EXT1: variants seen among roughly 807,000 people sequenced by gnomAD.
The protein encoded by EXT1 is exostosin glycosyltransferase 1, also known as exostosin-1.
In EXT1, 20 loss-of-function variants were observed where a neutral mutation model predicts 82.5. That is an observed-to-expected ratio of 0.24 (90% CI 0.17 to 0.35). EXT1 has a LOEUF of 0.35. Ranked by LOEUF, EXT1 falls within the 10% of genes least tolerant of loss-of-function variation. The pLI, the probability that EXT1 is intolerant of heterozygous loss-of-function variation, is 1.00. For missense variants in EXT1, 757 were observed against 936.5 expected, an observed-to-expected ratio of 0.81 and a Z score of 2.50; for synonymous variants, 348 against 350.8, an observed-to-expected ratio of 0.99 and a Z score of 0.09.
At chr8:117,901,798 G>A (rs1586274144) in intron 1 of EXT1, among the ~76,000 whole-genome samples, 1 of 152,156 alleles carries the variant, frequency 6.6e-6, no homozygotes, top group East Asian at 1.9e-4. Flanking sequence ...CCAGGCTCAG[G>A]TGATCCTCCT....
At chr8:117,991,935 G>A (rs1350644709) in intron 1 of EXT1, among the ~76,000 whole-genome samples, 1 of 152,150 alleles carries the variant, frequency 6.6e-6, no homozygotes, top group African/African-American at 2.4e-5. Flanking sequence ...ATACAGCAGG[G>A]CACTGAGCAA....
chr8:117,831,105 C>T (rs879351471), intron 3 of EXT1, among the ~76,000 whole-genome samples: 1 of 152,100 alleles, frequency 6.6e-6, no homozygotes, highest in Non-Finnish European at 1.5e-5. Flanking sequence ...CATCTGAAGC[C>T]ACCACAGGGA....
intron 1 of EXT1, among the ~76,000 whole-genome samples, chr8:118,108,482 G>A (rs1318979595): frequency 6.6e-6 from 1 of 152,196 alleles, no homozygotes; most frequent in African/African-American, 2.4e-5. Flanking sequence ...TATAAACAAA[G>A]CAGTTCATTA....
rs1435084878 is a variant in EXT1 at position 118,111,634 on chromosome 8, T to A, written c.-588A>T. 2.5e-6 allele frequency: 1 copy of A among 395,176 alleles called. No homozygotes were observed. Among genetic ancestry groups the A allele is most frequent in the African/African-American group, 2.1e-5 (1 of 48,418 alleles). The allele number at this position is 395,176 out of a possible 1,614,324, so 24.5% of individuals were successfully genotyped here. On this transcript the variant is annotated 5_prime_UTR_variant, in exon 1 of 11. Transcript: ENST00000378204. ...TTCCCTTCTGCAGCGGCTCCAAGACTCCGGCGGTGTTTACTCCTGCGCTCG... is the reference window on the plus strand; with the variant it reads ...TTCCCTTCTGCAGCGGCTCCAAGACACCGGCGGTGTTTACTCCTGCGCTCG...
chr8:118,015,339 T>C (rs1247986995), intron 1 of EXT1, among the ~76,000 whole-genome samples: 1 of 152,134 alleles, frequency 6.6e-6, no homozygotes, highest in South Asian at 2.1e-4. Flanking sequence ...CTTTTACCAA[T>C]AGGTATCACT....
intron 1 of EXT1, among the ~76,000 whole-genome samples, chr8:117,926,752 A>G (rs111357872): frequency 1.3e-4 from 20 of 152,268 alleles, no homozygotes; most frequent in Non-Finnish European, 2.5e-4. Context: ...AGACCCAACA[A>G]AAACGCTTAT....
intron 1 of EXT1, among the ~76,000 whole-genome samples, chr8:117,842,125 T>C (rs779490754): frequency 6.6e-6 from 1 of 152,156 alleles, no homozygotes; most frequent in South Asian, 2.1e-4. Flanking sequence ...ACTGGCACCA[T>C]AGTTAAGAGC....
intron 1 of EXT1, among the ~76,000 whole-genome samples, chr8:117,997,989 A>T (rs1815582929): frequency 6.6e-6 from 1 of 150,460 alleles, no homozygotes; most frequent in Admixed American, 6.7e-5. Flanking sequence ...ATTCCTGCAT[A>T]TGGAGAAATT....
intron 1 of EXT1, among the ~76,000 whole-genome samples, chr8:117,917,812 A>C (rs1261569062): frequency 6.6e-6 from 1 of 152,150 alleles, no homozygotes; most frequent in Non-Finnish European, 1.5e-5. Context: ...GTTAGTCCAC[A>C]GGACCTATAT....
chr8:117,816,733 C>T lies in EXT1; in HGVS notation c.1632+1702G>A, dbSNP rs117178715. 2.6e-4 allele frequency among the ~76,000 whole-genome samples: 39 copies of T among 152,270 alleles called. No homozygotes were observed. In the East Asian group the frequency reaches 6.8e-3, roughly 26 times the overall value. ...CTGAGAATGAAAATATAAAATCAAT[C>T]AGTGAGTCAGAGCATGAAAATGCTA... On this transcript the variant is annotated intron_variant, in intron 7 of 10. Coordinates refer to ENST00000378204, the MANE Select transcript of EXT1 (RefSeq NM_000127.3).
At chr8:117,937,360 A>T (rs1189389060) in intron 1 of EXT1, among the ~76,000 whole-genome samples, 1 of 152,230 alleles carries the variant, frequency 6.6e-6, no homozygotes, top group East Asian at 1.9e-4. Context: ...AATCCATAAA[A>T]ATATTCTTCC....
At chr8:118,064,784 C>T (rs1260018723) in intron 1 of EXT1, among the ~76,000 whole-genome samples, 1 of 151,984 alleles carries the variant, frequency 6.6e-6, no homozygotes, top group Non-Finnish European at 1.5e-5. Context: ...AACTAATTTA[C>T]ACTCCCACCA....
At chr8:117,964,087 G>A (rs1209602900) in intron 1 of EXT1, among the ~76,000 whole-genome samples, 1 of 152,116 alleles carries the variant, frequency 6.6e-6, no homozygotes, top group Non-Finnish European at 1.5e-5. Flanking sequence ...AAACTGCTTT[G>A]GGGAATTACA....
At chr8:118,019,935 T>A (rs1223683182) in intron 1 of EXT1, among the ~76,000 whole-genome samples, 1 of 152,204 alleles carries the variant, frequency 6.6e-6, no homozygotes, top group African/African-American at 2.4e-5. Flanking sequence ...CATAGTCTCA[T>A]GTTTCAGAGC....
chr8:117,945,990 C>A (rs1366846388), intron 1 of EXT1, among the ~76,000 whole-genome samples: 1 of 152,188 alleles, frequency 6.6e-6, no homozygotes, highest in Non-Finnish European at 1.5e-5. Context: ...GCAACCTTCA[C>A]CTCCTGGATT....
At chr8:118,095,615 T>C (rs1298490485) in intron 1 of EXT1, among the ~76,000 whole-genome samples, 3 of 152,262 alleles carry the variant, frequency 2.0e-5, no homozygotes, top group African/African-American at 7.2e-5. Flanking sequence ...AGCAAAAGCA[T>C]CTCAGTATTA....
rs1814060203 is a variant in EXT1 at position 117,931,444 on chromosome 8, T to C, written c.963-94243A>G. Among the ~76,000 whole-genome samples the C allele has an allele frequency of 2.0e-5, 3 of 150,744 alleles. No homozygotes were observed. The South Asian group carries it at 6.3e-4, about 32-fold the overall frequency. On this transcript the variant is annotated intron_variant, in intron 1 of 10. Transcript: ENST00000378204. ...AAATTATAAACTACAATGATATATA[T>C]ATTTTGTGTGGGGCGGGGGTGTGGG... is the stretch of plus-strand genomic sequence containing the variant.
chr8:117,896,383 GAGA>G (rs1296345804), intron 1 of EXT1, among the ~76,000 whole-genome samples: 4 of 152,146 alleles, frequency 2.6e-5, no homozygotes, highest in Non-Finnish European at 4.4e-5. Flanking sequence ...TTCAGATTCA[GAGA>G]AGGAGTTAAA....
Position 117,797,189 on chromosome 8 carries a change from C to T in EXT1, c.*2523G>A, listed in dbSNP as rs1259952213. 1.3e-5 allele frequency: 2 copies of T among 152,218 alleles called. No homozygotes were observed. Among genetic ancestry groups the T allele is most frequent in the East Asian group, 1.9e-4 (1 of 5,204 alleles). The allele number at this position is 152,218 out of a possible 1,614,324, so 9.4% of individuals were successfully genotyped here. A position where few individuals can be genotyped will look rare whatever the true frequency, so the allele number is the denominator to read the frequency against. On this transcript the variant is annotated 3_prime_UTR_variant, in exon 11 of 11. Coordinates refer to ENST00000378204, the MANE Select transcript of EXT1 (RefSeq NM_000127.3). ...CTGAATTAAAATTACATATTACTGT[C>T]GAGCTTCACTGATTTGTTAAGCATT... is the stretch of plus-strand genomic sequence containing the variant.
Sources: allele counts gnomAD v4.1 joint callset (sites outside exome capture counted in the v4.1 genomes callset), GRCh38; gene constraint gnomAD v4.1.1; transcripts MANE v1.5; gene names NCBI Gene and HGNC (gene_info 2026-07-23, HGNC 2026-07-21).